Variants in PARD3B observed in about 807,000 individuals in gnomAD.
The protein encoded by PARD3B is par-3 family cell polarity regulator beta.
Under a neutral mutation model 130.2 loss-of-function variants are expected in PARD3B, and 103 were observed. The ratio of observed to expected loss-of-function variants is 0.79; its 90% CI spans 0.67 to 0.93. The LOEUF is 0.93. PARD3B is among the 40% of genes least tolerant of loss of function. The pLI, the probability that PARD3B is intolerant of heterozygous loss-of-function variation, is 0.00. For synonymous variants in PARD3B, 583 were observed against 553.2 expected, an observed-to-expected ratio of 1.05 and a Z score of -0.76; for missense variants, 1,609 against 1,499.2, an observed-to-expected ratio of 1.07 and a Z score of -1.21.
intron 19 of PARD3B, among the ~76,000 whole-genome samples, chr2:205,404,995 T>C (rs1359145499): frequency 6.6e-6 from 1 of 152,236 alleles, no homozygotes; most frequent in Non-Finnish European, 1.5e-5. Flanking sequence ...CTCTCCCCAT[T>C]CATCTAATTT....
chr2:204,984,948 T>G (rs1693005862), intron 3 of PARD3B, among the ~76,000 whole-genome samples: 1 of 151,364 alleles, frequency 6.6e-6, no homozygotes, highest in Non-Finnish European at 1.5e-5. Context: ...CAAGGTATCT[T>G]AATTCAGCAA....
intron 21 of PARD3B, among the ~76,000 whole-genome samples, chr2:205,514,245 A>G (rs2050701333): frequency 1.3e-5 from 2 of 152,084 alleles, no homozygotes; most frequent in African/African-American, 4.8e-5. Context: ...ATGATTTTGC[A>G]TAGGATATAT....
chr2:204,961,755 G>A (rs184182079), intron 2 of PARD3B, among the ~76,000 whole-genome samples: 64 of 152,264 alleles, frequency 4.2e-4, no homozygotes, highest in African/African-American at 1.2e-3. Flanking sequence ...TGGAATCCAA[G>A]TGCAGAAAGT....
chr2:205,419,258 G>A (rs1176949530), intron 19 of PARD3B, among the ~76,000 whole-genome samples: 2 of 152,062 alleles, frequency 1.3e-5, no homozygotes, highest in African/African-American at 4.8e-5. Flanking sequence ...ATAAAGAGGA[G>A]GAGTTCCCTG....
At chr2:204,668,664 A>G (rs190986490) in intron 1 of PARD3B, among the ~76,000 whole-genome samples, 1 of 152,294 alleles carries the variant, frequency 6.6e-6, no homozygotes, top group African/African-American at 2.4e-5. Context: ...TAGTGCTGTT[A>G]AGACACCTTT....
At chr2:205,008,643 C>T (rs377324095) in intron 3 of PARD3B, among the ~76,000 whole-genome samples, 15 of 151,936 alleles carry the variant, frequency 9.9e-5, no homozygotes, top group African/African-American at 3.1e-4. Context: ...GAGATAAAAC[C>T]GAGATAGAAA....
chr2:204,745,406 C>T (rs952984755), intron 2 of PARD3B, among the ~76,000 whole-genome samples: 18 of 35,366 alleles, frequency 5.1e-4, no homozygotes, highest in African/African-American at 2.0e-3. Context: ...GTAAATACTA[C>T]CTTTTTTTTT....
At chr2:205,319,189 T>C (rs1260573729) in intron 18 of PARD3B, among the ~76,000 whole-genome samples, 1 of 152,132 alleles carries the variant, frequency 6.6e-6, no homozygotes, top group Non-Finnish European at 1.5e-5. Context: ...CAGAATTCAA[T>C]AAACCAGTAG....
In PARD3B at chr2:204,817,542, T is replaced by G. The variant is rs112705708; in HGVS notation, c.222+131260T>G. The stretch of plus-strand genomic sequence containing the variant: ...TGGGAAGAAGCACTCCTCGGTCTTG[T>G]GTGCATGTTAACACTATTATGTTTA... On this transcript the variant is annotated intron_variant, in intron 2 of 22. Coordinates refer to ENST00000406610, the MANE Select transcript of PARD3B (RefSeq NM_001302769.2). Among the ~76,000 whole-genome samples the G allele has an allele frequency of 2.2e-4, 33 of 152,274 alleles. 2 individuals carry two copies. Among genetic ancestry groups the G allele is most frequent in the African/African-American group, 7.2e-4 (30 of 41,560 alleles).
intron 12 of PARD3B, among the ~76,000 whole-genome samples, chr2:205,173,688 G>A (rs1362054213): frequency 6.6e-6 from 1 of 152,146 alleles, no homozygotes; most frequent in Non-Finnish European, 1.5e-5. Flanking sequence ...CCAATTACTG[G>A]AGACTAAATA....
intron 2 of PARD3B, among the ~76,000 whole-genome samples, chr2:204,911,274 T>G (rs2047225879): frequency 6.6e-6 from 1 of 152,182 alleles, no homozygotes; most frequent in African/African-American, 2.4e-5. Context: ...TGATTCCAGA[T>G]TAAGAAGGAA....
intron 4 of PARD3B, among the ~76,000 whole-genome samples, chr2:205,057,361 GTATATGTGTTATATACATATACATA>G (rs1559396548): frequency 0.019 from 1,825 of 95,342 alleles, 10 homozygotes; most frequent in Non-Finnish European, 0.033. Flanking sequence ...ATATATACAT[GTATATGTGTTATATACATATACATA>G]TATACATGTA....
At chr2:204,770,549 T>A (rs1426918889) in intron 2 of PARD3B, among the ~76,000 whole-genome samples, 1 of 152,110 alleles carries the variant, frequency 6.6e-6, no homozygotes, top group Non-Finnish European at 1.5e-5. Flanking sequence ...TTTCTTGTAT[T>A]TTCAAAATAA....
intron 2 of PARD3B, among the ~76,000 whole-genome samples, chr2:204,741,287 C>T (rs560075334): frequency 3.3e-5 from 5 of 152,252 alleles, no homozygotes; most frequent in African/African-American, 1.2e-4. Flanking sequence ...TTGTTCCTGG[C>T]TTTCTCAAAG....
chr2:205,180,101 G>A (rs1049609204), intron 13 of PARD3B, among the ~76,000 whole-genome samples: 1 of 151,524 alleles, frequency 6.6e-6, no homozygotes, highest in East Asian at 1.9e-4. Flanking sequence ...CAAGTTTCCT[G>A]TTTCTCTTTC....
chr2:205,156,286 T>C (rs569420775), intron 10 of PARD3B, among the ~76,000 whole-genome samples: 190 of 147,648 alleles, frequency 1.3e-3, no homozygotes, highest in Non-Finnish European at 2.4e-3. Flanking sequence ...GGGGGAGGAA[T>C]AGCATTAGGA....
chr2:205,494,084 A>C (rs190578425), intron 20 of PARD3B, among the ~76,000 whole-genome samples: 249 of 152,194 alleles, frequency 1.6e-3, no homozygotes, highest in Non-Finnish European at 3.0e-3. Context: ...TCTTAACTGC[A>C]TCATCAAATC....
chr2:204,740,440 C>G (rs1351552920), intron 2 of PARD3B, among the ~76,000 whole-genome samples: 2 of 152,198 alleles, frequency 1.3e-5, no homozygotes, highest in Non-Finnish European at 2.9e-5. Flanking sequence ...AACAAGCCAG[C>G]TTAGCCGCAG....
At chr2:204,855,488 A>AC (rs1559202021) in intron 2 of PARD3B, among the ~76,000 whole-genome samples, 1 of 151,280 alleles carries the variant, frequency 6.6e-6, no homozygotes, top group Non-Finnish European at 1.5e-5. Flanking sequence ...GTTGCAGTGA[A>AC]CCGAGATTTT....
Sources: allele counts gnomAD v4.1 joint callset (sites outside exome capture counted in the v4.1 genomes callset), GRCh38; gene constraint gnomAD v4.1.1; transcripts MANE v1.5; gene names NCBI Gene and HGNC (gene_info 2026-07-23, HGNC 2026-07-21).